SSBP2: variants seen among roughly 807,000 people sequenced by gnomAD.
SSBP2 encodes the protein single-stranded DNA-binding protein 2.
A neutral mutation model predicts 61.8 loss-of-function variants in SSBP2; 17 were observed. The ratio of observed to expected loss-of-function variants is 0.28; its 90% CI spans 0.19 to 0.41. The LOEUF (loss-of-function observed/expected upper bound fraction) is 0.41. SSBP2 is among the 10% of genes least tolerant of loss of function. The pLI, the probability that SSBP2 is intolerant of heterozygous loss-of-function variation, is 1.00. For missense variants in SSBP2, 310 were observed against 458.7 expected (o/e 0.68, Z 2.96); for synonymous variants, 139 against 141.3 (o/e 0.98, Z 0.12).
chr5:81,659,367 T>C (rs181058136), intron 1 of SSBP2, among the ~76,000 whole-genome samples: 59 of 151,962 alleles, frequency 3.9e-4, no homozygotes, highest in African/African-American at 1.4e-3. Context: ...TCCTATACAT[T>C]AACAAAAGAC....
intron 3 of SSBP2, among the ~76,000 whole-genome samples, chr5:81,625,148 T>C (rs543428333): frequency 2.0e-5 from 3 of 152,296 alleles, no homozygotes; most frequent in African/African-American, 4.8e-5. Flanking sequence ...TGATAATTAG[T>C]ATACAAAAAT....
At chr5:81,602,869 C>T (rs75715911) in intron 4 of SSBP2, among the ~76,000 whole-genome samples, 1 of 152,072 alleles carries the variant, frequency 6.6e-6, no homozygotes, top group African/African-American at 2.4e-5. Context: ...TTTGCTACCA[C>T]TAGATAACAG....
At chr5:81,701,039 A>C (rs1453694730) in intron 1 of SSBP2, among the ~76,000 whole-genome samples, 1 of 151,184 alleles carries the variant, frequency 6.6e-6, no homozygotes, top group Non-Finnish European at 1.5e-5. Flanking sequence ...GTTTGGCACA[A>C]GGGGCCTAGC....
At chr5:81,715,731 G>A (rs192957882) in intron 1 of SSBP2, among the ~76,000 whole-genome samples, 65 of 152,238 alleles carry the variant, frequency 4.3e-4, no homozygotes, top group South Asian at 8.3e-4. Flanking sequence ...GGGAGGATGG[G>A]AAGACAAGAA....
chr5:81,594,055 TAAAG>T (rs914465204), intron 4 of SSBP2, among the ~76,000 whole-genome samples: 9 of 150,948 alleles, frequency 6.0e-5, no homozygotes, highest in African/African-American at 1.9e-4. Context: ...GCAAATTGGA[TAAAG>T]AGTCAACACC....
intron 1 of SSBP2, among the ~76,000 whole-genome samples, chr5:81,722,835 GAC>G (rs991669310): frequency 6.6e-6 from 1 of 151,740 alleles, no homozygotes; most frequent in African/African-American, 2.4e-5. Context: ...ACAAAACTGT[GAC>G]ACACCATCTT....
At chr5:81,599,767 T>C (rs1189570586) in intron 4 of SSBP2, among the ~76,000 whole-genome samples, 2 of 152,320 alleles carry the variant, frequency 1.3e-5, no homozygotes, top group Non-Finnish European at 2.9e-5. Context: ...TTATAGCAGG[T>C]AGTGTGGATG....
At chr5:81,422,793 T>G (rs1761693620) in intron 16 of SSBP2, among the ~76,000 whole-genome samples, 1 of 152,224 alleles carries the variant, frequency 6.6e-6, no homozygotes, top group Non-Finnish European at 1.5e-5. Context: ...CAAATGCTGA[T>G]GACATGGAAC....
At chr5:81,644,239 A>G (rs1561645956) in intron 2 of SSBP2, among the ~76,000 whole-genome samples, 1 of 152,222 alleles carries the variant, frequency 6.6e-6, no homozygotes, top group Non-Finnish European at 1.5e-5. Flanking sequence ...ACTACCTCTT[A>G]TTGGGAAAAC....
chr5:81,552,066 G>C (rs1335436534), intron 4 of SSBP2, among the ~76,000 whole-genome samples: 1 of 152,072 alleles, frequency 6.6e-6, no homozygotes, highest in East Asian at 1.9e-4. Flanking sequence ...TTGACATTAG[G>C]AAAATATTGG....
rs556963141 is a variant in SSBP2 at position 81,576,684 on chromosome 5, C to T, written c.282+38789G>A. On this transcript the variant is annotated intron_variant, in intron 4 of 16. Coordinates refer to ENST00000320672, the MANE Select transcript of SSBP2 (RefSeq NM_012446.5). ...AAATAAGAAACTTTACCAAATACTGCCTAAAGCTTACTTTAATTTTCAAAA... is the reference window on the plus strand; with the variant it reads ...AAATAAGAAACTTTACCAAATACTGTCTAAAGCTTACTTTAATTTTCAAAA... 8.5e-5 allele frequency among the ~76,000 whole-genome samples: 13 copies of T among 152,098 alleles called. No homozygotes were observed. The East Asian group carries it at 1.9e-3, about 23-fold the overall frequency.
Position 81,412,833 on chromosome 5 carries a change from TTAACA to T in SSBP2, c.*7666_*7670del, listed in dbSNP as rs1357796138. On this transcript the variant is annotated 3_prime_UTR_variant, in exon 17 of 17. Coordinates refer to ENST00000320672, the MANE Select transcript of SSBP2 (RefSeq NM_012446.5). ...CAGTAAAATACCAAAGTTTAATTCA[TTAACA>T]TATCTATTTGCTAATAACATTAGTT... 2.0e-5 allele frequency among the ~76,000 whole-genome samples: 3 copies of T among 152,100 alleles called. No homozygotes were observed. In the Admixed American group the frequency reaches 2.0e-4, roughly 10 times the overall value.
In SSBP2 at chr5:81,521,735, C is replaced by T. The variant is rs75507506; in HGVS notation, c.283-8018G>A. Reference sequence around the variant, plus strand: ...GAATAATGTGAACCTTTCCAATGTTCGTACTTAGTTTCTTTTTTGTTGTAA... The same window carrying T: ...GAATAATGTGAACCTTTCCAATGTTTGTACTTAGTTTCTTTTTTGTTGTAA... On this transcript the variant is annotated intron_variant, in intron 4 of 16. Transcript: ENST00000320672. Among the ~76,000 whole-genome samples, 904 of 151,944 alleles carry T rather than the reference C, an allele frequency of 5.9e-3. 12 individuals carry two copies. Among genetic ancestry groups the T allele is most frequent in the African/African-American group, 0.021 (861 of 41,482 alleles).
At chr5:81,530,689 T>C (rs561734346) in intron 4 of SSBP2, among the ~76,000 whole-genome samples, 1 of 152,086 alleles carries the variant, frequency 6.6e-6, no homozygotes, top group Non-Finnish European at 1.5e-5. Flanking sequence ...CATATTATAA[T>C]CTTTTGAGTG....
intron 1 of SSBP2, among the ~76,000 whole-genome samples, chr5:81,689,986 TTC>T (rs1753087470): frequency 6.6e-6 from 1 of 152,144 alleles, no homozygotes; most frequent in South Asian, 2.1e-4. Context: ...TTTACTAGTT[TTC>T]TCTGTTTCTT....
chr5:81,596,017 G>A (rs112215951), intron 4 of SSBP2, among the ~76,000 whole-genome samples: 3,992 of 152,168 alleles, frequency 0.026, 62 homozygotes, highest in Middle Eastern at 0.071. Flanking sequence ...GAAATAAAGG[G>A]TATTCAATTA....
At chr5:81,542,980 G>A (rs1771420624) in intron 4 of SSBP2, among the ~76,000 whole-genome samples, 2 of 151,854 alleles carry the variant, frequency 1.3e-5, no homozygotes, top group Admixed American at 6.6e-5. Flanking sequence ...TCAGCCTCCC[G>A]AGTAGCTGGG....
At chr5:81,670,022 TGAAA>T (rs1751474533) in intron 1 of SSBP2, among the ~76,000 whole-genome samples, 1 of 152,076 alleles carries the variant, frequency 6.6e-6, no homozygotes, top group Non-Finnish European at 1.5e-5. Context: ...GTCAGAGGGA[TGAAA>T]GCCACAGAAT....
chr5:81,445,939 A>G (rs1290716248), intron 12 of SSBP2, among the ~76,000 whole-genome samples: 1 of 152,094 alleles, frequency 6.6e-6, no homozygotes, highest in Non-Finnish European at 1.5e-5. Context: ...ATGAGATTTT[A>G]TTTTTCCATG....
Sources: allele counts gnomAD v4.1 joint callset (sites outside exome capture counted in the v4.1 genomes callset), GRCh38; gene constraint gnomAD v4.1.1; transcripts MANE v1.5; gene names NCBI Gene and HGNC (gene_info 2026-07-23, HGNC 2026-07-21).